Variants in DYNC1H1 observed in about 807,000 individuals in gnomAD.
The protein encoded by DYNC1H1 is cytoplasmic dynein 1 heavy chain 1.
In DYNC1H1, 51 loss-of-function variants were observed where a neutral mutation model predicts 527.1. That is an observed-to-expected ratio of 0.10 (90% confidence interval 0.08 to 0.12). DYNC1H1 has a LOEUF of 0.12. Ranked by LOEUF, DYNC1H1 falls within the 10% of genes least tolerant of loss-of-function variation. DYNC1H1 has a pLI of 1.00. For synonymous variants in DYNC1H1, 2,189 were observed against 2,278.8 expected, an observed-to-expected ratio of 0.96 and a Z score of 1.12; for missense variants, 2,771 against 5,971.8, an observed-to-expected ratio of 0.46 and a Z score of 17.66.
In DYNC1H1 at chr14:102,005,220, G is replaced by A. The variant is rs2048183544; in HGVS notation, c.5417G>A (p.Arg1806Gln). 2.5e-6 allele frequency: 4 copies of A among 1,614,214 alleles called. No individual in the cohort carries two copies. Among genetic ancestry groups the A allele is most frequent in the African/African-American group, 2.7e-5 (2 of 75,064 alleles). The change falls in exon 26 of 78, where the codon CGG becomes CAG. Residue 1806 changes from arginine to glutamine, a missense_variant. Around this residue, in one of 32 missense-constraint regions of DYNC1H1, gnomAD observed 64 missense variants for 143.4 expected, o/e 0.45. Transcript: ENST00000360184. The surrounding 1 kb of genome is among the most constrained non-coding windows in gnomAD (Gnocchi z 4.0). ...VLMEQPPLRR[R>Q]KLEHLITELV... ...ATGGAGCAGCCCCCACTCCGAAGGC[G>A]GAAGCTAGAACACTTGGTTAGTCTC...
chr14:102,045,044 T>C, intron 72 of DYNC1H1: 1 of 346,918 alleles, frequency 2.9e-6, no homozygotes, highest in South Asian at 2.6e-5. Flanking sequence ...GGCTCACACC[T>C]ATAATCCCAG....
intron 29 of DYNC1H1, chr14:102,009,491 C>T (rs1567009875): frequency 6.4e-6 from 2 of 314,836 alleles, no homozygotes; most frequent in South Asian, 3.0e-5. Flanking sequence ...CAGTCAGTGT[C>T]GCGGCATTTA....
In DYNC1H1 at chr14:101,986,427, G is replaced by A. The variant is rs755775543; in HGVS notation, c.2202G>A (p.Lys734=). ...GGGGCCGAACTGGAAATGTGCTTAA[G>A]CTGAAAGTTAACTTTCTTCCTGAGA... is the stretch of plus-strand genomic sequence containing the variant. ...RVRGRTGNVL[K]LKVNFLPEII... Residue 734 remains lysine, a synonymous_variant, in exon 8 of 78, where the codon AAG becomes AAA. Transcript: ENST00000360184. This position sits in a 1 kb window ranked among gnomAD's most constrained non-coding sequence, Gnocchi z 8.7. 3.1e-6 allele frequency: 5 copies of A among 1,614,166 alleles called. No individual in the cohort carries two copies. The Admixed American group carries it at 8.3e-5, about 27-fold the overall frequency.
chr14:101,989,297 T>C (rs780048467), intron 10 of DYNC1H1, among the ~76,000 whole-genome samples: 4 of 152,260 alleles, frequency 2.6e-5, no homozygotes, highest in Non-Finnish European at 5.9e-5. Context: ...CAGAAGTCAG[T>C]GTTCAGACCA....
chr14:102,011,371 G>T lies in DYNC1H1; in HGVS notation c.6618+419G>T, dbSNP rs1196203865. ...AAAGTTTATTGTTTACACAAGCTGT[G>T]TGTGTTTGGCCTGAGAGATGCTGTA... On this transcript the variant is annotated intron_variant, in intron 32 of 77. Transcript: ENST00000360184. The surrounding 1 kb of genome is among the most constrained non-coding windows in gnomAD (Gnocchi z 5.3). 8.5e-6 allele frequency: 3 copies of T among 353,580 alleles called. No homozygotes were observed. The highest frequency in any genetic ancestry group is 6.4e-5 in the African/African-American group (3 of 46,816). 21.9% of individuals were successfully genotyped at this position (353,580 alleles called of 1,614,324 possible). A position where few individuals can be genotyped will look rare whatever the true frequency, so the allele number is the denominator to read the frequency against.
Position 102,010,378 on chromosome 14 carries a change from C to A in DYNC1H1, c.6324C>A (p.Ile2108=), listed in dbSNP as rs897162676. The A allele has an allele frequency of 4.3e-6, 7 of 1,613,716 alleles. No individual in the cohort carries two copies. The African/African-American group carries it at 9.4e-5, about 22-fold the overall frequency. Residue 2108 remains isoleucine, a synonymous_variant, in exon 31 of 78, where the codon ATC becomes ATA. Coordinates refer to ENST00000360184, the MANE Select transcript of DYNC1H1 (RefSeq NM_001376.5). This position sits in a 1 kb window ranked among gnomAD's most constrained non-coding sequence, Gnocchi z 6.0. The stretch of plus-strand genomic sequence containing the variant: ...CAGGCAATGTGAAGAGAGAGAGAAT[C>A]CAGAAGATAAAGAGGGAGAAAGAGG... ...VSAGNVKRER[I]QKIKREKEER... is the part of the protein sequence containing the mutation.
chr14:102,024,742 T>C (rs1321534583), intron 43 of DYNC1H1, among the ~76,000 whole-genome samples: 1 of 143,512 alleles, frequency 7.0e-6, no homozygotes, highest in African/African-American at 2.6e-5. Context: ...TCGCCCAGGC[T>C]AGAGTGCAGT....
At position 102,005,789 on chromosome 14, in the gene DYNC1H1, A is replaced by G. The variant is rs776412449; in HGVS notation, c.5434-99A>G. 8.8e-5 allele frequency: 129 copies of G among 1,465,130 alleles called. No homozygotes were observed. Among genetic ancestry groups the G allele is most frequent in the Non-Finnish European group, 1.1e-4 (118 of 1,048,486 alleles). The allele number at this position is 1,465,130 out of a possible 1,614,324, so 90.8% of individuals were successfully genotyped here. ...ATTTACTGAAAGCCATTGTAACTGG[A>G]CCTAGAACCTCAATTTCAGTTTAAC... On this transcript the variant is annotated intron_variant, in intron 26 of 77. Coordinates refer to ENST00000360184, the MANE Select transcript of DYNC1H1 (RefSeq NM_001376.5). This position sits in a 1 kb window ranked among gnomAD's most constrained non-coding sequence, Gnocchi z 4.0.
intron 11 of DYNC1H1, among the ~76,000 whole-genome samples, chr14:101,992,280 A>G (rs1024221525): frequency 1.1e-4 from 16 of 152,224 alleles, no homozygotes; most frequent in African/African-American, 3.9e-4. Context: ...TTAACTTTGA[A>G]TATAAACTCA....
chr14:101,966,428 C>T (rs2047669002), intron 1 of DYNC1H1, among the ~76,000 whole-genome samples: 1 of 151,042 alleles, frequency 6.6e-6, no homozygotes, highest in African/African-American at 2.4e-5. Flanking sequence ...AAAAATTTAT[C>T]TACTCTTTTT....
At position 102,005,140 on chromosome 14, in the gene DYNC1H1, C is replaced by T. The variant is rs1158994673; in HGVS notation, c.5337C>T (p.His1779=). 3.7e-6 allele frequency: 6 copies of T among 1,614,080 alleles called. No individual in the cohort carries two copies. Among genetic ancestry groups the T allele is most frequent in the South Asian group, 3.3e-5 (3 of 91,090 alleles). The change falls in exon 26 of 78, where the codon CAC becomes CAT. Residue 1779 remains histidine, a synonymous_variant. Coordinates refer to ENST00000360184, the MANE Select transcript of DYNC1H1 (RefSeq NM_001376.5). The surrounding 1 kb of genome is among the most constrained non-coding windows in gnomAD (Gnocchi z 4.0). ...GAGGTGGAGATGCCGCGCCCTTGCA[C>T]TCTGTGCTGAGCAATGTGGAGGTCA... ...MGGGGDAAPL[H]SVLSNVEVTL... is the part of the protein sequence containing the mutation.
chr14:102,013,885 G>A (rs563284958), intron 34 of DYNC1H1, among the ~76,000 whole-genome samples: 56 of 152,176 alleles, frequency 3.7e-4, no homozygotes, highest in Non-Finnish European at 6.9e-4. Flanking sequence ...TAAAGCATGC[G>A]TGGGATTTGC....
At position 102,047,612 on chromosome 14, in the gene DYNC1H1, T is replaced by A. The variant is rs533627373; in HGVS notation, c.13007-205T>A. On this transcript the variant is annotated intron_variant, in intron 72 of 77. Transcript: ENST00000360184. ...GTATATATATATACACATATATGTA[T>A]ATATACACGTGTGTGTGTGTGTGTG... is the stretch of plus-strand genomic sequence containing the variant. 2.3e-4 allele frequency: 94 copies of A among 408,066 alleles called. 13 individuals carry two copies. In the South Asian group the frequency reaches 2.5e-3, roughly 11 times the overall value. 25.3% of individuals were successfully genotyped at this position (408,066 alleles called of 1,614,324 possible).
In DYNC1H1 at chr14:102,020,159, GC is replaced by G; in HGVS notation, c.8507+105del. Reference sequence around the variant, plus strand: ...GCAGGGGTGGTCTGCCTAAGTTAGAGCCAGGTGGTGCCAGTGGTGGAAGGAG... The same window carrying G: ...GCAGGGGTGGTCTGCCTAAGTTAGAGCAGGTGGTGCCAGTGGTGGAAGGAG... On this transcript the variant is annotated intron_variant, in intron 42 of 77. Coordinates refer to ENST00000360184, the MANE Select transcript of DYNC1H1 (RefSeq NM_001376.5). The surrounding 1 kb of genome is among the most constrained non-coding windows in gnomAD (Gnocchi z 4.3). 2.1e-6 allele frequency: 3 copies of G among 1,462,988 alleles called. No homozygotes were observed. The highest frequency in any genetic ancestry group is 2.8e-6 in the Non-Finnish European group (3 of 1,072,538). 90.6% of individuals were successfully genotyped at this position (1,462,988 alleles called of 1,614,324 possible).
Position 102,026,589 on chromosome 14 carries a change from G to C in DYNC1H1, c.8653G>C (p.Asp2885His), listed in dbSNP as rs2048454256. 1.2e-6 allele frequency: 2 copies of C among 1,614,058 alleles called. No individual in the cohort carries two copies. Among genetic ancestry groups the C allele is most frequent in the Non-Finnish European group, 1.7e-6 (2 of 1,180,034 alleles). The change falls in exon 44 of 78, where the codon GAC becomes CAC. Residue 2885 changes from aspartate (D) to histidine (H), a missense_variant. Transcript: ENST00000360184. Reference protein sequence around the residue: ...NWLSKDYIPVDQEELRDYVKA... With the variant: ...NWLSKDYIPVHQEELRDYVKA... ...TTTTCTATAGGATTACATCCCAGTAGACCAAGAAGAGTTAAGAGATTATGT... is the reference window on the plus strand; with the variant it reads ...TTTTCTATAGGATTACATCCCAGTACACCAAGAAGAGTTAAGAGATTATGT...
intron 72 of DYNC1H1, among the ~76,000 whole-genome samples, chr14:102,046,129 C>A (rs954920918): frequency 6.6e-6 from 1 of 151,532 alleles, no homozygotes; most frequent in East Asian, 1.9e-4. Flanking sequence ...GATGGCACCA[C>A]TGCACTCCAG....
At chr14:102,045,070 A>G (rs1016120809) in intron 72 of DYNC1H1, 6 of 295,038 alleles carry the variant, frequency 2.0e-5, no homozygotes, top group Non-Finnish European at 2.7e-5. Context: ...TGGGAGGCCA[A>G]GGCGGGCAGA....
rs71116874 is a variant in DYNC1H1, at chr14:102,047,641, G to GTATA, written c.13007-156_13007-153dup. On this transcript the variant is annotated intron_variant, in intron 72 of 77. Transcript: ENST00000360184. ...TACACGTGTGTGTGTGTGTGTGTGT[G>GTATA]TATATATATATATATATATATATGT... 4.4e-3 allele frequency: 1,397 copies of GTATA among 315,618 alleles called. 11 individuals carry two copies. The highest frequency in any genetic ancestry group is 0.01 in the South Asian group (319 of 31,142). 19.6% of individuals were successfully genotyped at this position (315,618 alleles called of 1,614,324 possible).
At chr14:101,974,998 G>A (rs1215351626) in intron 1 of DYNC1H1, among the ~76,000 whole-genome samples, 1 of 152,216 alleles carries the variant, frequency 6.6e-6, no homozygotes, top group Non-Finnish European at 1.5e-5. Flanking sequence ...AAGGCTAGAC[G>A]AATGCTTCTC....
Sources: allele counts gnomAD v4.1 joint callset (sites outside exome capture counted in the v4.1 genomes callset), GRCh38; gene constraint gnomAD v4.1.1; regional missense constraint gnomAD v4.1.1; non-coding constraint Gnocchi (gnomAD v3.1); transcripts MANE v1.5; gene names NCBI Gene and HGNC (gene_info 2026-07-23, HGNC 2026-07-21).